The following PDE3A variants were observed in gnomAD, a reference collection of about 807,000 sequenced individuals.
PDE3A encodes phosphodiesterase 3A, also known as cGMP-inhibited 3',5'-cyclic phosphodiesterase 3A.
In PDE3A, 43 loss-of-function variants were observed where a neutral mutation model predicts 98.3. That is an observed-to-expected ratio of 0.44 (90% CI 0.34 to 0.56). The LOEUF is 0.56. Among genes scored for constraint, PDE3A ranks in the 20% least tolerant of loss-of-function variants. The pLI is 0.01. For synonymous variants in PDE3A, 663 were observed against 567.9 expected, an observed-to-expected ratio of 1.17 and a Z score of -2.38; for missense variants, 1,427 against 1,440.7, an observed-to-expected ratio of 0.99 and a Z score of 0.15.
intron 1 of PDE3A, among the ~76,000 whole-genome samples, chr12:20,548,649 T>C (rs1942120524): frequency 6.6e-6 from 1 of 152,158 alleles, no homozygotes; most frequent in Non-Finnish European, 1.5e-5. Flanking sequence ...TTTCCCAGAA[T>C]TGCTTAAGTA....
At chr12:20,664,323 TAAAATC>T (rs1945254140) in intron 15 of PDE3A, among the ~76,000 whole-genome samples, 1 of 152,208 alleles carries the variant, frequency 6.6e-6, no homozygotes, top group Non-Finnish European at 1.5e-5. Context: ...GGCTCAAGTC[TAAAATC>T]GTCACTTAGA....
chr12:20,539,840 A>C (rs192674208), intron 1 of PDE3A, among the ~76,000 whole-genome samples: 28 of 152,262 alleles, frequency 1.8e-4, no homozygotes, highest in African/African-American at 6.7e-4. Flanking sequence ...AAGCCATTGA[A>C]AGGTGTTACA....
chr12:20,469,925 C>A (rs1304487597), intron 1 of PDE3A, among the ~76,000 whole-genome samples: 1 of 152,162 alleles, frequency 6.6e-6, no homozygotes, highest in African/African-American at 2.4e-5. Context: ...ATTCCCATGG[C>A]AGAACTGTTC....
intron 1 of PDE3A, among the ~76,000 whole-genome samples, chr12:20,443,073 G>A (rs1053117631): frequency 3.8e-5 from 3 of 79,774 alleles, no homozygotes; most frequent in Admixed American, 1.0e-4. Flanking sequence ...TCCTGTATAG[G>A]TGTAAGTATA....
chr12:20,664,610 T>G (rs894970353), intron 15 of PDE3A, among the ~76,000 whole-genome samples: 6 of 152,188 alleles, frequency 3.9e-5, no homozygotes, highest in Non-Finnish European at 7.3e-5. Context: ...TCCCCCATAT[T>G]GTTCTCCTGG....
intron 1 of PDE3A, among the ~76,000 whole-genome samples, chr12:20,498,571 C>T (rs1202235388): frequency 1.3e-5 from 2 of 152,150 alleles, no homozygotes; most frequent in Non-Finnish European, 2.9e-5. Flanking sequence ...CATTTTATAT[C>T]AGGGACTTGA....
chr12:20,574,092 G>A (rs1442515334), intron 2 of PDE3A, among the ~76,000 whole-genome samples: 7 of 151,922 alleles, frequency 4.6e-5, no homozygotes, highest in South Asian at 2.1e-4. Flanking sequence ...CATTTGCAGC[G>A]GGACTGTTAA....
intron 1 of PDE3A, among the ~76,000 whole-genome samples, chr12:20,523,261 C>T (rs1197664985): frequency 1.3e-5 from 2 of 152,118 alleles, no homozygotes; most frequent in African/African-American, 4.8e-5. Context: ...CTTTCACAGG[C>T]CAGGGCTTCT....
intron 2 of PDE3A, among the ~76,000 whole-genome samples, chr12:20,576,758 GATA>G (rs771702459): frequency 6.6e-5 from 10 of 152,088 alleles, no homozygotes; most frequent in Non-Finnish European, 1.2e-4. Context: ...AAAAGATATT[GATA>G]ATGAGAATGT....
At chr12:20,670,650 G>C (rs12305299) in intron 15 of PDE3A, among the ~76,000 whole-genome samples, 14,714 of 142,268 alleles carry the variant, frequency 0.1, 1,477 homozygotes, top group African/African-American at 0.27. Flanking sequence ...TTGAAACCAA[G>C]GAGAACAAAG....
intron 6 of PDE3A, among the ~76,000 whole-genome samples, chr12:20,632,076 G>A (rs530624830): frequency 6.6e-6 from 1 of 152,194 alleles, no homozygotes; most frequent in Non-Finnish European, 1.5e-5. Flanking sequence ...GGTCCTTTTA[G>A]GTATTATTTT....
rs117650582 is a variant in PDE3A at position 20,688,103 on chromosome 12, A to G, written c.*7832A>G. Among the ~76,000 whole-genome samples, 4,978 of 152,044 alleles carry G rather than the reference A, an allele frequency of 0.033. 111 individuals carry two copies. Among genetic ancestry groups the G allele is most frequent in the Middle Eastern group, 0.058 (17 of 292 alleles). ...ATAGGGATGTCATTTGTACATGACA[A>G]TTTTTAACAATGTAATTCTTACCAC... is the stretch of plus-strand genomic sequence containing the variant. On this transcript the variant is annotated 3_prime_UTR_variant, in exon 16 of 16. Transcript: ENST00000359062.
chr12:20,502,611 T>G (rs1202867198), intron 1 of PDE3A, among the ~76,000 whole-genome samples: 1 of 152,164 alleles, frequency 6.6e-6, no homozygotes, highest in Non-Finnish European at 1.5e-5. Flanking sequence ...GCATGTGTAT[T>G]TGTCTATGGA....
chr12:20,594,576 G>A (rs1943420416), intron 2 of PDE3A, among the ~76,000 whole-genome samples: 1 of 151,248 alleles, frequency 6.6e-6, no homozygotes, highest in East Asian at 1.9e-4. Context: ...AAAATGCTGT[G>A]GGGTTAGAAA....
At position 20,621,404 on chromosome 12, in the gene PDE3A, T is replaced by C; in HGVS notation, c.1533T>C (p.Ser511=). The C allele has an allele frequency of 1.9e-6, 3 of 1,580,366 alleles. No homozygotes were observed. The highest frequency in any genetic ancestry group is 1.1e-5 in the South Asian group (1 of 90,442). ...ACCATGTAAAGGCTAAAAAGCAAAG[T>C]CGACCAGGTAAGTAACTTAACTGGA... The part of the protein sequence containing the change: ...AANHVKAKKQ[S]RPGALAKISP... Residue 511 remains serine, a synonymous_variant, in exon 5 of 16, where the codon AGT becomes AGC. Transcript: ENST00000359062.
chr12:20,606,438 A>T (rs953439868), intron 2 of PDE3A, among the ~76,000 whole-genome samples: 1 of 152,162 alleles, frequency 6.6e-6, no homozygotes, highest in African/African-American at 2.4e-5. Flanking sequence ...CTTACTTAGA[A>T]AATTTTAGAA....
intron 15 of PDE3A, among the ~76,000 whole-genome samples, chr12:20,665,933 T>A (rs1945296478): frequency 6.6e-6 from 1 of 151,406 alleles, no homozygotes; most frequent in Admixed American, 6.6e-5. Flanking sequence ...ATTTAGAATA[T>A]CTGTCACCTC....
chr12:20,445,408 T>C (rs1944937720), intron 1 of PDE3A, among the ~76,000 whole-genome samples: 1 of 152,220 alleles, frequency 6.6e-6, no homozygotes, highest in African/African-American at 2.4e-5. Context: ...CATAATTAAC[T>C]GTAAGGCTTT....
intron 1 of PDE3A, among the ~76,000 whole-genome samples, chr12:20,529,073 A>G (rs1056681187): frequency 6.6e-6 from 1 of 152,194 alleles, no homozygotes; most frequent in African/African-American, 2.4e-5. Context: ...CATGAAAGTC[A>G]TGGCTAGAAA....
Sources: allele counts gnomAD v4.1 joint callset (sites outside exome capture counted in the v4.1 genomes callset), GRCh38; gene constraint gnomAD v4.1.1; transcripts MANE v1.5; gene names NCBI Gene and HGNC (gene_info 2026-07-23, HGNC 2026-07-21).